PCDHB15: variants seen among roughly 807,000 people sequenced by gnomAD.
The protein encoded by PCDHB15 is protocadherin beta-15.
For synonymous variants in PCDHB15, 492 were observed against 447.9 expected, an observed-to-expected ratio of 1.10 and a Z score of -1.24; for missense variants, 1,032 against 991.7, an observed-to-expected ratio of 1.04 and a Z score of -0.55.
At position 141,247,356 on chromosome 5, in the gene PCDHB15, A is replaced by G; in HGVS notation, c.1778A>G (p.Asp593Gly). The G allele has an allele frequency of 6.2e-7, 1 of 1,605,524 alleles. No individual in the cohort carries two copies. The highest frequency in any genetic ancestry group is 8.5e-7 in the Non-Finnish European group (1 of 1,178,374). Residue 593 changes from aspartate to glycine, a missense_variant, in exon 1 of 1, where the codon GAC becomes GGC. Physicochemically the swap from Asp to Gly is moderately conservative, Grantham distance 94 (BLOSUM62 -1). Coordinates refer to ENST00000231173, the MANE Select transcript of PCDHB15 (RefSeq NM_018935.4). ...GYLVTKVVAV[D>G]GDSGQNAWLS... ...CTGGTGACCAAGGTGGTGGCGGTGG[A>G]CGGCGACTCGGGCCAGAACGCCTGG... is the stretch of plus-strand genomic sequence containing the variant.
Position 141,247,831 on chromosome 5 carries a change from C to T in PCDHB15, c.2253C>T (p.Tyr751=), listed in dbSNP as rs376420795. ...GGACCCTTTCCCAGAGCTACCAGTACGAGGTGTGTCTGACGGGAGGCTCTG... is the reference window on the plus strand; with the variant it reads ...GGACCCTTTCCCAGAGCTACCAGTATGAGGTGTGTCTGACGGGAGGCTCTG... ...GTGTLSQSYQ[Y]EVCLTGGSES... The change falls in exon 1 of 1, where the codon TAC becomes TAT. Residue 751 remains tyrosine, a synonymous_variant. Coordinates refer to ENST00000231173, the MANE Select transcript of PCDHB15 (RefSeq NM_018935.4). 1.2e-5 allele frequency: 20 copies of T among 1,614,172 alleles called. No homozygotes were observed. The highest frequency in any genetic ancestry group is 1.7e-5 in the Non-Finnish European group (20 of 1,180,028).
chr5:141,247,665 C>T lies in PCDHB15; in HGVS notation c.2087C>T (p.Ser696Leu), dbSNP rs1554292293. The T allele has an allele frequency of 6.2e-7, 1 of 1,610,266 alleles. No individual in the cohort carries two copies. Among genetic ancestry groups the T allele is most frequent in the South Asian group, 1.1e-5 (1 of 91,024 alleles). Reference sequence around the variant, plus strand: ...GTCTACCTGGTGGTGGCATTGGCCTCGGTGTCTTCGCTCTTCCTCTTCTCG... The same window carrying T: ...GTCTACCTGGTGGTGGCATTGGCCTTGGTGTCTTCGCTCTTCCTCTTCTCG... Reference protein sequence around the residue: ...LTVYLVVALASVSSLFLFSVF... With the variant: ...LTVYLVVALALVSSLFLFSVF... Residue 696 changes from serine (S) to leucine (L), a missense_variant, in exon 1 of 1, where the codon TCG becomes TTG. Ser to Leu is a moderately radical substitution (Grantham distance 145). Coordinates refer to ENST00000231173, the MANE Select transcript of PCDHB15 (RefSeq NM_018935.4).
chr5:141,245,732 C>G lies in PCDHB15; in HGVS notation c.154C>G (p.Leu52Val), dbSNP rs782090211. The G allele has an allele frequency of 6.2e-7, 1 of 1,614,170 alleles. No homozygotes were observed. Among genetic ancestry groups the G allele is most frequent in the Non-Finnish European group, 8.5e-7 (1 of 1,180,042 alleles). ...TTTTGTAGCCAACCTGGCCAATGAC[C>G]TAGGGCTGGGAGTGGGGGAGCTAGC... ...GSFVANLAND[L>V]GLGVGELAER... The change falls in exon 1 of 1, where the codon CTA becomes GTA. Residue 52 changes from leucine (L) to valine (V), a missense_variant. Transcript: ENST00000231173.
rs782449068 is a variant in PCDHB15, at chr5:141,246,560, T to C, written c.982T>C (p.Ser328Pro). The C allele has an allele frequency of 2.2e-5, 35 of 1,614,052 alleles. No homozygotes were observed. Among genetic ancestry groups the C allele is most frequent in the Non-Finnish European group, 2.9e-5 (34 of 1,180,046 alleles). ...DIEASDGGGL[S>P]GKCSVSVKVL... is the part of the protein sequence containing the mutation. The stretch of plus-strand genomic sequence containing the variant: ...AGAGGCATCTGATGGCGGGGGACTT[T>C]CTGGAAAATGCTCTGTCTCTGTTAA... Residue 328 changes from serine to proline, a missense_variant, in exon 1 of 1, where the codon TCT becomes CCT. Coordinates refer to ENST00000231173, the MANE Select transcript of PCDHB15 (RefSeq NM_018935.4).
Position 141,247,588 on chromosome 5 carries a change from C to T in PCDHB15, c.2010C>T (p.Tyr670=). Residue 670 remains tyrosine, a synonymous_variant, in exon 1 of 1, where the codon TAC becomes TAT. Coordinates refer to ENST00000231173, the MANE Select transcript of PCDHB15 (RefSeq NM_018935.4). The part of the protein sequence containing the change: ...VLLVDGFSQP[Y]LPLPEAAPAQ... The stretch of plus-strand genomic sequence containing the variant: ...TGGTGGACGGCTTCTCTCAGCCCTA[C>T]CTGCCGCTCCCAGAGGCGGCCCCGG... The T allele has an allele frequency of 6.2e-7, 1 of 1,610,046 alleles. No individual in the cohort carries two copies.
rs398109471 is a variant in PCDHB15 at position 141,248,045 on chromosome 5, T to TA, written c.*106dup. 1.1e-4 allele frequency: 133 copies of TA among 1,174,428 alleles called. No homozygotes were observed. Among genetic ancestry groups the TA allele is most frequent in the Non-Finnish European group, 1.5e-4 (127 of 856,132 alleles). 72.8% of individuals were successfully genotyped at this position (1,174,428 alleles called of 1,614,324 possible). A position where few individuals can be genotyped will look rare whatever the true frequency, so the allele number is the denominator to read the frequency against. On this transcript the variant is annotated 3_prime_UTR_variant, in exon 1 of 1. Transcript: ENST00000231173. ...AGTAATCTTGAATTCTACTTTTTTTTAAATTTCTACTGTTGTCTTTAGTAA... is the reference window on the plus strand; with the variant it reads ...AGTAATCTTGAATTCTACTTTTTTTTAAAATTTCTACTGTTGTCTTTAGTAA...
In PCDHB15 at chr5:141,245,801, T is replaced by C. The variant is rs1259921298; in HGVS notation, c.223T>C (p.Leu75=). Residue 75 remains leucine (L), a synonymous_variant, in exon 1 of 1, where the codon TTG becomes CTG. Transcript: ENST00000231173. ...AGTTTCTGAGGATAACGAACAAGGC[T>C]TGCAGCTTGATCTGCAGACCGGGCA... The part of the protein sequence containing the change: ...RVVSEDNEQG[L]QLDLQTGQLI... 1 of 1,614,164 alleles carries C rather than the reference T, an allele frequency of 6.2e-7. No homozygotes were observed. Among genetic ancestry groups the C allele is most frequent in the Non-Finnish European group, 8.5e-7 (1 of 1,180,032 alleles).
At position 141,247,117 on chromosome 5, in the gene PCDHB15, G is replaced by C; in HGVS notation, c.1539G>C (p.Leu513=). Residue 513 remains leucine (L), a synonymous_variant, in exon 1 of 1, where the codon CTG becomes CTC. Coordinates refer to ENST00000231173, the MANE Select transcript of PCDHB15 (RefSeq NM_018935.4). ...CCATTAACACGGACAACGGCCACCTGTTCGCTCTCCAGTCGCTGGACTACG... is the reference window on the plus strand; with the variant it reads ...CCATTAACACGGACAACGGCCACCTCTTCGCTCTCCAGTCGCTGGACTACG... ...LVSINTDNGH[L]FALQSLDYEA... is the part of the protein sequence containing the mutation. 1 of 1,613,974 alleles carries C rather than the reference G, an allele frequency of 6.2e-7. No individual in the cohort carries two copies. Among genetic ancestry groups the C allele is most frequent in the Non-Finnish European group, 8.5e-7 (1 of 1,179,942 alleles).
Position 141,245,835 on chromosome 5 carries a change from T to C in PCDHB15, c.257T>C (p.Leu86Ser), listed in dbSNP as rs1554291798. 1.2e-6 allele frequency: 2 copies of C among 1,614,168 alleles called. No individual in the cohort carries two copies. The change falls in exon 1 of 1, where the codon TTA (leucine) becomes TCA (serine). Residue 86 changes from leucine (L) to serine (S), a missense_variant. Physicochemically the swap from Leu to Ser is moderately radical, Grantham distance 145 (BLOSUM62 -2). Transcript: ENST00000231173. ...QLDLQTGQLI[L>S]NEKLDREKLC... is the part of the protein sequence containing the mutation. Reference sequence around the variant, plus strand: ...GATCTGCAGACCGGGCAGTTGATATTAAATGAGAAGCTGGACCGGGAGAAG... The same window carrying C: ...GATCTGCAGACCGGGCAGTTGATATCAAATGAGAAGCTGGACCGGGAGAAG...
chr5:141,246,544 T>G lies in PCDHB15; in HGVS notation c.966T>G (p.Ser322=). 1 of 1,614,208 alleles carries G rather than the reference T, an allele frequency of 6.2e-7. No individual in the cohort carries two copies. Reference sequence around the variant, plus strand: ...CGTATGATCTAGATATAGAGGCATCTGATGGCGGGGGACTTTCTGGAAAAT... The same window carrying G: ...CGTATGATCTAGATATAGAGGCATCGGATGGCGGGGGACTTTCTGGAAAAT... ...MSSYDLDIEA[S]DGGGLSGKCS... is the part of the protein sequence containing the mutation. Residue 322 remains serine (S), a synonymous_variant, in exon 1 of 1, where the codon TCT becomes TCG. Transcript: ENST00000231173.
Position 141,246,831 on chromosome 5 carries a change from A to G in PCDHB15, c.1253A>G (p.Asn418Ser), listed in dbSNP as rs1554292033. Residue 418 changes from asparagine to serine, a missense_variant, in exon 1 of 1, where the codon AAC becomes AGC. Transcript: ENST00000231173. ...ALDRETRAEYNITITITDLGT... is the reference protein window; with the variant it reads ...ALDRETRAEYSITITITDLGT... Reference sequence around the variant, plus strand: ...GACAGAGAGACCAGAGCCGAGTACAACATCACCATCACCATCACAGACTTG... The same window carrying G: ...GACAGAGAGACCAGAGCCGAGTACAGCATCACCATCACCATCACAGACTTG... The G allele has an allele frequency of 6.2e-7, 1 of 1,614,176 alleles. No homozygotes were observed.
Position 141,248,070 on chromosome 5 carries a change from A to G in PCDHB15, c.*128A>G, listed in dbSNP as rs1010578600. The G allele has an allele frequency of 1.2e-6, 1 of 808,928 alleles. No individual in the cohort carries two copies. Among genetic ancestry groups the G allele is most frequent in the Non-Finnish European group, 1.8e-6 (1 of 546,012 alleles). The allele number at this position is 808,928 out of a possible 1,614,324, so 50.1% of individuals were successfully genotyped here. A position where few individuals can be genotyped will look rare whatever the true frequency, so the allele number is the denominator to read the frequency against. On this transcript the variant is annotated 3_prime_UTR_variant, in exon 1 of 1. Transcript: ENST00000231173. ...TAAATTTCTACTGTTGTCTTTAGTA[A>G]TGTTACTCATTTCCTTTGTCTGATT...
Position 141,247,057 on chromosome 5 carries a change from C to G in PCDHB15, c.1479C>G (p.Pro493=). 1 of 1,613,864 alleles carries G rather than the reference C, an allele frequency of 6.2e-7. No homozygotes were observed. The highest frequency in any genetic ancestry group is 1.3e-5 in the African/African-American group (1 of 75,040). ...NAQVTYSLLP[P]RDPHLPLTSL... is the part of the protein sequence containing the mutation. ...AGGTCACCTACTCGCTGCTGCCGCC[C>G]CGGGACCCGCACCTGCCCCTCACCT... Residue 493 remains proline, a synonymous_variant, in exon 1 of 1, where the codon CCC becomes CCG. Coordinates refer to ENST00000231173, the MANE Select transcript of PCDHB15 (RefSeq NM_018935.4).
Position 141,245,509 on chromosome 5 carries a change from C to T in PCDHB15, c.-70C>T, listed in dbSNP as rs1461114513. ...TTATCAACGCACAGATCGATCACTG[C>T]CTCTGTCCCATCGCTCCCTGAAGTA... On this transcript the variant is annotated 5_prime_UTR_variant, in exon 1 of 1. Transcript: ENST00000231173. 6 of 1,341,150 alleles carry T rather than the reference C, an allele frequency of 4.5e-6. No homozygotes were observed. Among genetic ancestry groups the T allele is most frequent in the Non-Finnish European group, 4.2e-6 (4 of 955,904 alleles). The allele number at this position is 1,341,150 out of a possible 1,614,324, so 83.1% of individuals were successfully genotyped here. A position where few individuals can be genotyped will look rare whatever the true frequency, so the allele number is the denominator to read the frequency against.
rs782321696 is a variant in PCDHB15, at chr5:141,247,148, C to A, written c.1570C>A (p.Leu524Met). 13 of 1,613,724 alleles carry A rather than the reference C, an allele frequency of 8.1e-6. No individual in the cohort carries two copies. The highest frequency in any genetic ancestry group is 2.7e-5 in the African/African-American group (2 of 74,940). ...TCTCCAGTCGCTGGACTACGAGGCC[C>A]TGCAGGCTTTCGAGTTCCGCGTGGG... Reference protein sequence around the residue: ...FALQSLDYEALQAFEFRVGAT... With the variant: ...FALQSLDYEAMQAFEFRVGAT... Residue 524 changes from leucine to methionine, a missense_variant, in exon 1 of 1, where the codon CTG (leucine) becomes ATG (methionine). Leu to Met is a conservative substitution (Grantham distance 15, BLOSUM62 2). Coordinates refer to ENST00000231173, the MANE Select transcript of PCDHB15 (RefSeq NM_018935.4).
In PCDHB15 at chr5:141,245,485, TA is replaced by T; in HGVS notation, c.-93del. 1 of 1,071,038 alleles carries T rather than the reference TA, an allele frequency of 9.3e-7. No homozygotes were observed. The highest frequency in any genetic ancestry group is 1.4e-6 in the Non-Finnish European group (1 of 733,268). 66.3% of individuals were successfully genotyped at this position (1,071,038 alleles called of 1,614,324 possible). ...TATTCTCCTACATTTCCGAACAGGT[TA>T]TCAACGCACAGATCGATCACTGCCT... On this transcript the variant is annotated 5_prime_UTR_variant, in exon 1 of 1. The change abolishes the stop of an existing upstream ORF in the 5' untranslated region. Transcript: ENST00000231173.
Position 141,247,374 on chromosome 5 carries a change from A to C in PCDHB15, c.1796A>C (p.Asn599Thr). The change falls in exon 1 of 1, where the codon AAC (asparagine) becomes ACC (threonine). Residue 599 changes from asparagine (N) to threonine (T), a missense_variant. Coordinates refer to ENST00000231173, the MANE Select transcript of PCDHB15 (RefSeq NM_018935.4). ...VVAVDGDSGQ[N>T]AWLSYQLLKA... Reference sequence around the variant, plus strand: ...GCGGTGGACGGCGACTCGGGCCAGAACGCCTGGCTGTCGTACCAGCTGCTC... The same window carrying C: ...GCGGTGGACGGCGACTCGGGCCAGACCGCCTGGCTGTCGTACCAGCTGCTC... The C allele has an allele frequency of 6.2e-6, 10 of 1,605,280 alleles. No homozygotes were observed. Among genetic ancestry groups the C allele is most frequent in the Non-Finnish European group, 8.5e-6 (10 of 1,178,746 alleles).
Position 141,247,697 on chromosome 5 carries a change from C to CTGTTCGTG in PCDHB15, c.2120_2127dup (p.Ala710CysfsTer33). ...TTCGCTCTTCCTCTTCTCGGTGTTCCTGTTCGTGGCAGTGCGGCTGTGCAG... is the reference window on the plus strand; with the variant it reads ...TTCGCTCTTCCTCTTCTCGGTGTTCCTGTTCGTGTGTTCGTGGCAGTGCGGCTGTGCAG... On this transcript the variant is annotated frameshift_variant, in exon 1 of 1. Coordinates refer to ENST00000231173, the MANE Select transcript of PCDHB15 (RefSeq NM_018935.4). LOFTEE classifies it low-confidence loss of function (END_TRUNC). The CTGTTCGTG allele has an allele frequency of 6.2e-7, 1 of 1,612,086 alleles. No homozygotes were observed. Among genetic ancestry groups the CTGTTCGTG allele is most frequent in the Non-Finnish European group, 8.5e-7 (1 of 1,179,946 alleles).
chr5:141,246,646 T>TC lies in PCDHB15; in HGVS notation c.1071dup (p.Glu358ArgfsTer12), dbSNP rs782416316. ...GTATTTCATCACTTACCAGCCCTAT[T>TC]CCCGAGAATTCTCCAGAGACAGAAG... On this transcript the variant is annotated frameshift_variant, in exon 1 of 1. Coordinates refer to ENST00000231173, the MANE Select transcript of PCDHB15 (RefSeq NM_018935.4). LOFTEE classifies it low-confidence loss of function (END_TRUNC). The TC allele has an allele frequency of 6.2e-7, 1 of 1,614,218 alleles. No homozygotes were observed. The highest frequency in any genetic ancestry group is 1.1e-5 in the South Asian group (1 of 91,088).
Sources: allele counts gnomAD v4.1 joint callset, GRCh38; gene constraint gnomAD v4.1.1; transcripts MANE v1.5; gene names NCBI Gene and HGNC (gene_info 2026-07-23, HGNC 2026-07-21).